Variants in CDK6 observed in about 807,000 individuals in gnomAD.
CDK6 encodes the protein cyclin dependent kinase 6, also known as cyclin-dependent kinase 6.
A neutral mutation model predicts 37.1 loss-of-function variants in CDK6; 6 were observed. The observed-to-expected ratio is 0.16, with a 90% CI of 0.09 to 0.32. The LOEUF is 0.32. CDK6 is among the 10% of genes least tolerant of loss of function. The pLI is 1.00. For synonymous variants in CDK6, 160 were observed against 161.3 expected, an observed-to-expected ratio of 0.99 and a Z score of 0.06; for missense variants, 224 against 418.9, an observed-to-expected ratio of 0.53 and a Z score of 4.06.
chr7:92,716,654 T>C (rs1585423791), intron 4 of CDK6, among the ~76,000 whole-genome samples: 1 of 152,136 alleles, frequency 6.6e-6, no homozygotes, highest in East Asian at 1.9e-4. Context: ...GTGACAGCTC[T>C]AAAATACAAG....
At chr7:92,725,409 G>A in intron 4 of CDK6, 2 of 815,508 alleles carry the variant, frequency 2.5e-6, no homozygotes, top group Non-Finnish European at 3.0e-6. Context: ...GGCTATTTCT[G>A]CAATGGATCC....
At chr7:92,745,830 T>G (rs2075906453) in intron 3 of CDK6, among the ~76,000 whole-genome samples, 1 of 152,208 alleles carries the variant, frequency 6.6e-6, no homozygotes, top group Non-Finnish European at 1.5e-5. Context: ...CAATAAACAC[T>G]GAATATACAG....
intron 2 of CDK6, among the ~76,000 whole-genome samples, chr7:92,807,258 C>A (rs1297463064): frequency 3.9e-5 from 6 of 152,064 alleles, no homozygotes; most frequent in African/African-American, 1.4e-4. Context: ...TTTACTCTAT[C>A]TACTTTCTGA....
intron 2 of CDK6, among the ~76,000 whole-genome samples, chr7:92,785,024 T>C (rs185978976): frequency 4.6e-5 from 7 of 152,264 alleles, no homozygotes; most frequent in African/African-American, 1.7e-4. Flanking sequence ...TGGTACTCAT[T>C]TTAGAGACGA....
intron 4 of CDK6, among the ~76,000 whole-genome samples, chr7:92,698,241 C>T (rs969246545): frequency 1.8e-4 from 27 of 152,174 alleles, no homozygotes; most frequent in Non-Finnish European, 2.9e-5. Flanking sequence ...TAGGCACCAC[C>T]AGTTACAACT....
At chr7:92,625,260 C>T (rs1455752956) in intron 5 of CDK6, among the ~76,000 whole-genome samples, 4 of 143,226 alleles carry the variant, frequency 2.8e-5, no homozygotes, top group East Asian at 4.0e-4. Flanking sequence ...ACACACACAC[C>T]TCTCTTATTC....
At chr7:92,707,928 T>C (rs1266867702) in intron 4 of CDK6, among the ~76,000 whole-genome samples, 1 of 152,202 alleles carries the variant, frequency 6.6e-6, no homozygotes, top group Non-Finnish European at 1.5e-5. Flanking sequence ...ACAGTGGTGA[T>C]GATGAAATTT....
rs1795525723 is a variant in CDK6 at position 92,609,926 on chromosome 7, CA to C, written c.*5213del. 1 of 230,260 alleles carries C rather than the reference CA, an allele frequency of 4.3e-6. No individual in the cohort carries two copies. The highest frequency in any genetic ancestry group is 8.6e-6 in the Non-Finnish European group (1 of 116,356). 14.3% of individuals were successfully genotyped at this position (230,260 alleles called of 1,614,324 possible). A position where few individuals can be genotyped will look rare whatever the true frequency, so the allele number is the denominator to read the frequency against. ...AGACAATTGTTCAGAACCTAGGTAA[CA>C]AGTAAAATATTGAAGTTACAGAACA... On this transcript the variant is annotated 3_prime_UTR_variant, in exon 8 of 8. Transcript: ENST00000424848.
At chr7:92,760,369 T>C (rs1799424750) in intron 3 of CDK6, among the ~76,000 whole-genome samples, 1 of 152,182 alleles carries the variant, frequency 6.6e-6, no homozygotes, top group Admixed American at 6.5e-5. Context: ...CTGAATGTTT[T>C]TAATGTATAC....
chr7:92,615,391 C>G (rs1795654572), intron 7 of CDK6, 105 bp from the exon 8 acceptor site: 1 of 869,848 alleles, frequency 1.1e-6, no homozygotes, highest in Non-Finnish European at 1.8e-6. Context: ...AGCGCATCTA[C>G]AGTGGGAATG....
intron 4 of CDK6, among the ~76,000 whole-genome samples, chr7:92,680,337 C>T (rs1002627427): frequency 7.1e-6 from 1 of 140,698 alleles, no homozygotes; most frequent in Non-Finnish European, 1.5e-5. Flanking sequence ...GAGGCTGAGG[C>T]AGGAGAATCG....
intron 4 of CDK6, among the ~76,000 whole-genome samples, chr7:92,713,932 C>T (rs981772574): frequency 5.3e-5 from 8 of 152,092 alleles, no homozygotes; most frequent in African/African-American, 9.7e-5. Context: ...GAACAGCATC[C>T]CTTCCCAACC....
intron 2 of CDK6, among the ~76,000 whole-genome samples, chr7:92,824,260 A>G (rs934720241): frequency 6.6e-6 from 1 of 152,116 alleles, no homozygotes; most frequent in Admixed American, 6.6e-5. Context: ...TTTAAATGTC[A>G]TAAGTCAGTC....
chr7:92,807,270 A>G (rs1180414073), intron 2 of CDK6, among the ~76,000 whole-genome samples: 2 of 152,106 alleles, frequency 1.3e-5, no homozygotes, highest in African/African-American at 2.4e-5. Context: ...ACTTTCTGAA[A>G]GTAGATCTAT....
chr7:92,801,930 T>C (rs1387320354), intron 2 of CDK6, among the ~76,000 whole-genome samples: 3 of 150,540 alleles, frequency 2.0e-5, no homozygotes, highest in Admixed American at 2.0e-4. Flanking sequence ...CCCGCCTCTC[T>C]TTTCGTCTCC....
rs930849809 is a variant in CDK6, at chr7:92,811,367, A to C, written c.233+21724T>G. The stretch of plus-strand genomic sequence containing the variant: ...TTTAGTCCCTTCACCATCCTTGTAC[A>C]CTGAGACACGTGGCTGAAAATATTT... On this transcript the variant is annotated intron_variant, in intron 2 of 7. Transcript: ENST00000424848. Among the ~76,000 whole-genome samples, 4 of 152,104 alleles carry C rather than the reference A, an allele frequency of 2.6e-5. No homozygotes were observed. In the South Asian group the frequency reaches 8.3e-4, roughly 31 times the overall value.
At position 92,614,302 on chromosome 7, in the gene CDK6, T is replaced by C. The variant is rs1022628139; in HGVS notation, c.*838A>G. On this transcript the variant is annotated 3_prime_UTR_variant, in exon 8 of 8. Coordinates refer to ENST00000424848, the MANE Select transcript of CDK6 (RefSeq NM_001145306.2). ...ATCTGAGGTACACTCCCTAAACCTA[T>C]AGCAAGTAATAAAAAGCTTACAGGC... The C allele has an allele frequency of 1.7e-5, 4 of 232,816 alleles. No individual in the cohort carries two copies. In the East Asian group the frequency reaches 2.4e-4, roughly 14 times the overall value. The allele number at this position is 232,816 out of a possible 1,614,324, so 14.4% of individuals were successfully genotyped here.
rs1311537790 is a variant in CDK6 at position 92,671,508 on chromosome 7, C to T, written c.565G>A (p.Glu189Lys). 1 of 1,584,990 alleles carries T rather than the reference C, an allele frequency of 6.3e-7. No homozygotes were observed. Among genetic ancestry groups the T allele is most frequent in the Non-Finnish European group, 8.6e-7 (1 of 1,165,700 alleles). The change falls in exon 5 of 8, where the codon GAA becomes AAA. Residue 189 changes from glutamate (E) to lysine (K), a missense_variant. Transcript: ENST00000424848. ...GCGTAGCTGGACTGGAGCAAGACTT[C>T]GGGTGCTCTGTACCACAGCGTGACG... The part of the protein sequence containing the change: ...VVVTLWYRAP[E>K]VLLQSSYATP...
intron 3 of CDK6, among the ~76,000 whole-genome samples, chr7:92,764,260 T>C (rs1354158357): frequency 6.6e-6 from 1 of 151,992 alleles, no homozygotes; most frequent in Admixed American, 6.6e-5. Context: ...CACCTCAGTC[T>C]CCTGAGCAGC....
Sources: gnomAD v4.1 joint callset for allele counts (sites outside exome capture counted in the v4.1 genomes callset) on GRCh38, gnomAD v4.1.1 for gene constraint, MANE v1.5 for transcripts, NCBI Gene and HGNC (gene_info 2026-07-23, HGNC 2026-07-21) for gene names.